Variants in SLCO6A1 observed in about 807,000 individuals in gnomAD.
SLCO6A1 encodes cancer/testis antigen 48.
SLCO6A1 carries 65 observed loss-of-function variants against 72.7 expected under a neutral mutation model. The observed-to-expected ratio is 0.89, with a 90% CI of 0.73 to 1.10. SLCO6A1 has a LOEUF of 1.10. SLCO6A1 is among the 50% of genes least tolerant of loss of function. The pLI is 0.00. For synonymous variants in SLCO6A1, 314 were observed against 298.2 expected (o/e 1.05, Z -0.55); for missense variants, 874 against 872.6 (o/e 1.00, Z -0.02).
At position 102,483,155 on chromosome 5, in the gene SLCO6A1, C is replaced by G. The variant is rs903255056; in HGVS notation, c.359-2721G>C. ...ATCTATCTACTTCATTATTGAGAGC[C>G]TCTTGTGCAATGGCTTTCTTTTGGT... On this transcript the variant is annotated intron_variant, in intron 1 of 13. Transcript: ENST00000506729. Among the ~76,000 whole-genome samples the G allele has an allele frequency of 2.6e-5, 4 of 151,944 alleles. 1 individual carries two copies. In the South Asian group the frequency reaches 6.2e-4, roughly 24 times the overall value.
chr5:102,388,325 T>A (rs1266373048), intron 12 of SLCO6A1, among the ~76,000 whole-genome samples: 1 of 151,868 alleles, frequency 6.6e-6, no homozygotes, highest in Non-Finnish European at 1.5e-5. Flanking sequence ...AACTAGATAA[T>A]CCTTTTATTA....
intron 1 of SLCO6A1, 117 bp downstream of exon 1, chr5:102,498,370 G>T: frequency 2.1e-6 from 2 of 972,598 alleles, no homozygotes; most frequent in Non-Finnish European, 3.0e-6. Context: ...CTCAGGCTGG[G>T]CCACCCCAGG....
intron 12 of SLCO6A1, among the ~76,000 whole-genome samples, chr5:102,382,054 A>T (rs962058577): frequency 6.6e-6 from 1 of 151,706 alleles, no homozygotes; most frequent in African/African-American, 2.4e-5. Flanking sequence ...TTGCTGTGCA[A>T]AAAGTAGCTT....
chr5:102,477,068 T>C (rs933612473), intron 3 of SLCO6A1, among the ~76,000 whole-genome samples: 8 of 152,162 alleles, frequency 5.3e-5, no homozygotes, highest in Non-Finnish European at 1.2e-4. Flanking sequence ...TGAATATACA[T>C]ATTTATAAAT....
At chr5:102,391,122 A>C (rs1287995012) in intron 10 of SLCO6A1, 77 bp from the exon 11 acceptor site, 2 of 1,391,742 alleles carry the variant, frequency 1.4e-6, no homozygotes, top group African/African-American at 2.9e-5. Flanking sequence ...TTCAAGGCTA[A>C]TCATTTTTTT....
chr5:102,498,068 A>G (rs72779997), intron 1 of SLCO6A1, among the ~76,000 whole-genome samples: 14,051 of 152,076 alleles, frequency 0.092, 768 homozygotes, highest in African/African-American at 0.15. Flanking sequence ...ACCTGACTTC[A>G]ACCACACTAT....
chr5:102,402,473 T>G (rs959452863), intron 9 of SLCO6A1, among the ~76,000 whole-genome samples: 4 of 152,138 alleles, frequency 2.6e-5, no homozygotes, highest in East Asian at 1.9e-4. Flanking sequence ...AAAGTACTAA[T>G]GAGTGTCTTA....
intron 6 of SLCO6A1, among the ~76,000 whole-genome samples, chr5:102,447,842 C>A (rs1750200500): frequency 6.6e-6 from 1 of 152,022 alleles, no homozygotes; most frequent in Non-Finnish European, 1.5e-5. Flanking sequence ...TTTCATTGAT[C>A]TTTTTATGGT....
At chr5:102,472,521 A>T (rs1269294718) in intron 4 of SLCO6A1, among the ~76,000 whole-genome samples, 1 of 152,082 alleles carries the variant, frequency 6.6e-6, no homozygotes, top group Non-Finnish European at 1.5e-5. Flanking sequence ...AGAACAAGAA[A>T]AGTTGAGGAG....
chr5:102,496,239 T>G (rs1053193662), intron 1 of SLCO6A1, among the ~76,000 whole-genome samples: 1 of 152,214 alleles, frequency 6.6e-6, no homozygotes, highest in Non-Finnish European at 1.5e-5. Flanking sequence ...GGTAAAATGT[T>G]AACAGATGAA....
intron 9 of SLCO6A1, among the ~76,000 whole-genome samples, chr5:102,407,086 G>A (rs577303376): frequency 5.3e-5 from 8 of 152,228 alleles, no homozygotes; most frequent in African/African-American, 1.9e-4. Context: ...CGTAGATGGG[G>A]GCTCAAACAT....
At position 102,477,568 on chromosome 5, in the gene SLCO6A1, A is replaced by T. The variant is rs1266602907; in HGVS notation, c.802+108T>A. On this transcript the variant is annotated intron_variant, in intron 3 of 13. Coordinates refer to ENST00000506729, the MANE Select transcript of SLCO6A1 (RefSeq NM_173488.5). ...TAGCATACCAATTATCATTTATTAC[A>T]ATGTTATCATAAGGGCCAATAGTAC... 4.9e-6 allele frequency: 4 copies of T among 818,238 alleles called. No homozygotes were observed. In the African/African-American group the frequency reaches 6.9e-5, roughly 14 times the overall value. 50.7% of individuals were successfully genotyped at this position (818,238 alleles called of 1,614,324 possible).
At chr5:102,415,807 A>T (rs1462197334) in intron 8 of SLCO6A1, among the ~76,000 whole-genome samples, 3 of 152,172 alleles carry the variant, frequency 2.0e-5, no homozygotes, top group African/African-American at 7.2e-5. Context: ...CAAGCTATCC[A>T]TCCAACGAAG....
At chr5:102,471,462 T>G (rs1325925642) in intron 4 of SLCO6A1, among the ~76,000 whole-genome samples, 1 of 152,094 alleles carries the variant, frequency 6.6e-6, no homozygotes, top group African/African-American at 2.4e-5. Context: ...TGACCATTCC[T>G]TTCTGAACAT....
chr5:102,468,671 C>G (rs1751432251), intron 4 of SLCO6A1, among the ~76,000 whole-genome samples: 1 of 151,890 alleles, frequency 6.6e-6, no homozygotes, highest in Admixed American at 6.6e-5. Context: ...TTTTAGTTAC[C>G]ATTTGCATGG....
chr5:102,485,701 T>A (rs1752418572), intron 1 of SLCO6A1, among the ~76,000 whole-genome samples: 2 of 152,228 alleles, frequency 1.3e-5, no homozygotes, highest in South Asian at 4.1e-4. Context: ...TTTTCCAGAC[T>A]TCATCCCATG....
chr5:102,483,293 A>T (rs1444707792), intron 1 of SLCO6A1, among the ~76,000 whole-genome samples: 1 of 152,156 alleles, frequency 6.6e-6, no homozygotes, highest in Non-Finnish European at 1.5e-5. Context: ...AATATGGACA[A>T]TCAGATGTAC....
At chr5:102,424,138 T>C (rs1458817113) in intron 7 of SLCO6A1, among the ~76,000 whole-genome samples, 1 of 152,062 alleles carries the variant, frequency 6.6e-6, no homozygotes, top group Non-Finnish European at 1.5e-5. Flanking sequence ...AGAGGAAAAT[T>C]TATAGCACTA....
At chr5:102,475,478 CAT>C (rs1321857539) in intron 4 of SLCO6A1, among the ~76,000 whole-genome samples, 3 of 152,010 alleles carry the variant, frequency 2.0e-5, no homozygotes, top group African/African-American at 4.8e-5. Flanking sequence ...ACAATGTACA[CAT>C]AGTTAACAGT....
Sources: allele counts gnomAD v4.1 joint callset (sites outside exome capture counted in the v4.1 genomes callset), GRCh38; gene constraint gnomAD v4.1.1; transcripts MANE v1.5; gene names NCBI Gene and HGNC (gene_info 2026-07-23, HGNC 2026-07-21).